Variants in JPH3 observed in about 807,000 individuals in gnomAD.
JPH3 encodes junctophilin 3.
Under a neutral mutation model 59.6 loss-of-function variants are expected in JPH3, and 11 were observed. That is an observed-to-expected ratio of 0.18 (90% CI 0.12 to 0.31). JPH3 has a LOEUF of 0.31. JPH3 is among the 10% of genes least tolerant of loss of function. The pLI, the probability that JPH3 is intolerant of heterozygous loss-of-function variation, is 1.00. For synonymous variants in JPH3, 673 were observed against 483.6 expected (o/e 1.39, Z -5.14); for missense variants, 1,202 against 1,105.7 (o/e 1.09, Z -1.24).
At chr16:87,673,016 C>A (rs145584677) in intron 2 of JPH3, among the ~76,000 whole-genome samples, 1 of 152,016 alleles carries the variant, frequency 6.6e-6, no homozygotes, top group Non-Finnish European at 1.5e-5. Flanking sequence ...CGTGGTAGCA[C>A]GTGCACGTAA....
At chr16:87,678,553 T>A (rs956609245) in intron 2 of JPH3, among the ~76,000 whole-genome samples, 1 of 151,682 alleles carries the variant, frequency 6.6e-6, no homozygotes, top group African/African-American at 2.4e-5. Context: ...ACACACACAA[T>A]ATATATATAT....
chr16:87,685,982 C>G (rs1474264508), intron 3 of JPH3, among the ~76,000 whole-genome samples: 1 of 152,126 alleles, frequency 6.6e-6, no homozygotes, highest in African/African-American at 2.4e-5. Flanking sequence ...AGTCCTAGAT[C>G]CACGCGGCGT....
At position 87,644,415 on chromosome 16, in the gene JPH3, C is replaced by T. The variant is rs758856596; in HGVS notation, c.540C>T (p.Asp180=). The change falls in exon 2 of 5, where the codon GAC becomes GAT. Residue 180 remains aspartate (D), a synonymous_variant. Coordinates refer to ENST00000284262, the MANE Select transcript of JPH3 (RefSeq NM_020655.4). ...CCAACGGCACGGCGCTGCATCCCGA[C>T]GCCTCTCCGGCGGTGGCCGGCAGCC... is the stretch of plus-strand genomic sequence containing the variant. The part of the protein sequence containing the change: ...EHTNGTALHP[D]ASPAVAGSPA... 122 of 1,612,240 alleles carry T rather than the reference C, an allele frequency of 7.6e-5. 1 individual carries two copies. In the East Asian group the frequency reaches 1.0e-3, roughly 14 times the overall value.
At chr16:87,691,094 C>A (rs534580241) in intron 4 of JPH3, among the ~76,000 whole-genome samples, 18 of 151,254 alleles carry the variant, frequency 1.2e-4, no homozygotes, top group Admixed American at 5.9e-4. Context: ...GCACCCCCCC[C>A]CCAAATTCGT....
At chr16:87,632,277 A>C (rs765672848) in intron 1 of JPH3, among the ~76,000 whole-genome samples, 13 of 152,194 alleles carry the variant, frequency 8.5e-5, no homozygotes, top group South Asian at 2.1e-4. Context: ...AAAAGACGAA[A>C]AAAAGAGCAC....
intron 2 of JPH3, among the ~76,000 whole-genome samples, chr16:87,658,857 C>A (rs991975345): frequency 6.6e-6 from 1 of 152,244 alleles, no homozygotes; most frequent in Non-Finnish European, 1.5e-5. Context: ...GGCCCCCCAG[C>A]CCCTATTTCC....
intron 2 of JPH3, among the ~76,000 whole-genome samples, chr16:87,670,428 C>T (rs1380993281): frequency 1.3e-5 from 2 of 152,198 alleles, no homozygotes; most frequent in African/African-American, 2.4e-5. Context: ...GACTTGCCAC[C>T]GATTATTCTA....
chr16:87,657,864 C>A (rs188496167), intron 2 of JPH3, among the ~76,000 whole-genome samples: 188 of 152,322 alleles, frequency 1.2e-3, no homozygotes, highest in Admixed American at 3.3e-3. Flanking sequence ...AGTCCTTAGT[C>A]TGGGGGCATG....
intron 2 of JPH3, among the ~76,000 whole-genome samples, chr16:87,661,696 C>T (rs774494459): frequency 6.6e-6 from 1 of 152,224 alleles, no homozygotes; most frequent in African/African-American, 2.4e-5. Flanking sequence ...GAGCAAAGAC[C>T]CGTCCAAGAG....
chr16:87,620,746 C>T (rs370907084), intron 1 of JPH3, among the ~76,000 whole-genome samples: 52 of 152,218 alleles, frequency 3.4e-4, no homozygotes, highest in African/African-American at 1.3e-3. Context: ...GCCAGAGATG[C>T]GGCAAATTTC....
At chr16:87,676,088 T>A (rs1046941900) in intron 2 of JPH3, among the ~76,000 whole-genome samples, 2 of 152,252 alleles carry the variant, frequency 1.3e-5, no homozygotes, top group African/African-American at 4.8e-5. Context: ...GTGACCCGCC[T>A]CAGTAAATGT....
rs1042620721 is a variant in JPH3, at chr16:87,662,833, C to A, written c.1160+17798C>A. Among the ~76,000 whole-genome samples the A allele has an allele frequency of 5.9e-5, 9 of 152,224 alleles. No homozygotes were observed. The South Asian group carries it at 8.3e-4, about 14-fold the overall frequency. On this transcript the variant is annotated intron_variant, in intron 2 of 4. Coordinates refer to ENST00000284262, the MANE Select transcript of JPH3 (RefSeq NM_020655.4). ...TGAAATCCACCTTCCAGGGGGCAGC[C>A]TGGGACCTGGGATGGCCCTCCCTAC...
chr16:87,604,283 G>GCTGC, intron 1 of JPH3: 1 of 1,278,450 alleles, frequency 7.8e-7, no homozygotes. Context: ...AAGCCAGGGA[G>GCTGC]CTGCCTGCTG....
In JPH3 at chr16:87,675,936, G is replaced by A. The variant is rs1466621298; in HGVS notation, c.1161-8206G>A. ...TCTGTAATTCCTTTCTGAAAGAAATGTTTTCCATGAAACAACAACAGCAAG... is the reference window on the plus strand; with the variant it reads ...TCTGTAATTCCTTTCTGAAAGAAATATTTTCCATGAAACAACAACAGCAAG... On this transcript the variant is annotated intron_variant, in intron 2 of 4. Coordinates refer to ENST00000284262, the MANE Select transcript of JPH3 (RefSeq NM_020655.4). 3.3e-5 allele frequency among the ~76,000 whole-genome samples: 5 copies of A among 152,246 alleles called. No individual in the cohort carries two copies. In the South Asian group the frequency reaches 6.2e-4, roughly 19 times the overall value.
chr16:87,684,482 G>C, intron 3 of JPH3: 1 of 662,032 alleles, frequency 1.5e-6, no homozygotes, highest in Non-Finnish European at 2.5e-6. Flanking sequence ...GTCTTGGCAG[G>C]TCTCTCCCAT....
chr16:87,616,837 C>G (rs1324907887), intron 1 of JPH3, among the ~76,000 whole-genome samples: 1 of 152,212 alleles, frequency 6.6e-6, no homozygotes, highest in Non-Finnish European at 1.5e-5. Flanking sequence ...TTCCAAAATG[C>G]TCTGTAAACG....
At chr16:87,659,461 C>T (rs1008230321) in intron 2 of JPH3, among the ~76,000 whole-genome samples, 51 of 151,626 alleles carry the variant, frequency 3.4e-4, no homozygotes, top group African/African-American at 1.1e-3. Context: ...CAGTGGCTCA[C>T]GCCTATAATC....
intron 2 of JPH3, among the ~76,000 whole-genome samples, chr16:87,683,391 G>A (rs775014628): frequency 5.6e-4 from 84 of 149,984 alleles, no homozygotes; most frequent in African/African-American, 2.0e-3. Flanking sequence ...TGCAACTTCC[G>A]CCTCCCAGGT....
rs148634654 is a variant in JPH3 at position 87,690,493 on chromosome 16, C to G, written c.2133C>G (p.Asp711Glu). The change falls in exon 4 of 5, where the codon GAC (aspartate) becomes GAG (glutamate). Residue 711 changes from aspartate to glutamate, a missense_variant. Coordinates refer to ENST00000284262, the MANE Select transcript of JPH3 (RefSeq NM_020655.4). Reference sequence around the variant, plus strand: ...CCTTGCCTGTCGCTCTAGAGTCCGACGAGGAGAATGGGGATGAGCTCAAGT... The same window carrying G: ...CCTTGCCTGTCGCTCTAGAGTCCGAGGAGGAGAATGGGGATGAGCTCAAGT... The part of the protein sequence containing the change: ...QKSLPVALES[D>E]EENGDELKSS... The G allele has an allele frequency of 3.4e-6, 5 of 1,485,926 alleles. No individual in the cohort carries two copies. The highest frequency in any genetic ancestry group is 4.5e-6 in the Non-Finnish European group (5 of 1,119,298). The allele number at this position is 1,485,926 out of a possible 1,614,324, so 92.0% of individuals were successfully genotyped here. A position where few individuals can be genotyped will look rare whatever the true frequency, so the allele number is the denominator to read the frequency against.
Sources: gnomAD v4.1 joint callset for allele counts (sites outside exome capture counted in the v4.1 genomes callset) on GRCh38, gnomAD v4.1.1 for gene constraint, MANE v1.5 for transcripts, NCBI Gene and HGNC (gene_info 2026-07-23, HGNC 2026-07-21) for gene names.